Variants in BICRAL observed in about 807,000 individuals in gnomAD.
BICRAL encodes BRD4-interacting chromatin-remodeling complex-associated protein-like.
A neutral mutation model predicts 91.8 loss-of-function variants in BICRAL; 8 were observed. The ratio of observed to expected loss-of-function variants is 0.09; its 90% CI spans 0.05 to 0.16. The LOEUF is 0.16. Among genes scored for constraint, BICRAL ranks in the 10% least tolerant of loss-of-function variants. BICRAL has a pLI of 1.00. For missense variants in BICRAL, 1,038 were observed against 1,310.9 expected (o/e 0.79, Z 3.21); for synonymous variants, 445 against 491.1 (o/e 0.91, Z 1.24).
intron 1 of BICRAL, among the ~76,000 whole-genome samples, chr6:42,793,296 ATTTTTTTTTTTT>A (rs35332872): frequency 0.042 from 975 of 23,012 alleles, 37 homozygotes; most frequent in African/African-American, 0.16. Context: ...GACCCAGCTA[ATTTTTTTTTTTT>A]TTTTTTTTTT....
chr6:42,809,111 C>T lies in BICRAL; in HGVS notation c.-101-1195C>T, dbSNP rs530161890. Among the ~76,000 whole-genome samples the T allele has an allele frequency of 7.5e-4, 114 of 151,756 alleles. No homozygotes were observed. The South Asian group carries it at 0.014, about 19-fold the overall frequency. Reference sequence around the variant, plus strand: ...CCTCCCCTAGCCCCCGGCACCCCCCCCAACAGGCCCCGGTGTGTGATGTTC... The same window carrying T: ...CCTCCCCTAGCCCCCGGCACCCCCCTCAACAGGCCCCGGTGTGTGATGTTC... On this transcript the variant is annotated intron_variant, in intron 1 of 12. Coordinates refer to ENST00000314073, the MANE Select transcript of BICRAL (RefSeq NM_001393499.1).
At chr6:42,819,141 G>C (rs538960252) in intron 2 of BICRAL, among the ~76,000 whole-genome samples, 33 of 152,194 alleles carry the variant, frequency 2.2e-4, no homozygotes, top group Admixed American at 4.6e-4. Flanking sequence ...GGGATTCCAG[G>C]GTTGTTACTT....
At chr6:42,859,112 T>C (rs1765475247) in intron 10 of BICRAL, among the ~76,000 whole-genome samples, 2 of 152,012 alleles carry the variant, frequency 1.3e-5, no homozygotes, top group Non-Finnish European at 2.9e-5. Context: ...GTGAAAGGGC[T>C]GGGCATGGTT....
Position 42,853,064 on chromosome 6 carries a change from C to CAA in BICRAL, c.1946-557_1946-556dup, listed in dbSNP as rs35328845. 3.4e-3 allele frequency among the ~76,000 whole-genome samples: 332 copies of CAA among 97,666 alleles called. 4 individuals carry two copies. The highest frequency in any genetic ancestry group is 0.029 in the Admixed American group (248 of 8,624). 64.1% of individuals were successfully genotyped at this position (97,666 alleles called of 152,430 possible). On this transcript the variant is annotated intron_variant, in intron 7 of 12. Transcript: ENST00000314073. ...TGGGCGACAGAACAAGACCTTGTCT[C>CAA]AAAAAAAAAAAAAAAAAAGAAAAGG...
chr6:42,822,191 G>C (rs980815809), intron 3 of BICRAL, 128 bp downstream of exon 3: 1 of 578,202 alleles, frequency 1.7e-6, no homozygotes, highest in South Asian at 2.5e-5. Flanking sequence ...CATAGGTTTA[G>C]TAGAGAAACA....
At chr6:42,848,704 C>G (rs992628647) in intron 6 of BICRAL, among the ~76,000 whole-genome samples, 2 of 152,062 alleles carry the variant, frequency 1.3e-5, no homozygotes, top group Non-Finnish European at 2.9e-5. Flanking sequence ...ACTAGCCAGG[C>G]TTGGTGGCAC....
chr6:42,860,288 A>T lies in BICRAL; in HGVS notation c.2281A>T (p.Thr761Ser). ...GGACAATGAATTTGAGACAGTTGCC[A>T]CTCAGCTCCTAAAAAGGACCCAAGC... ...KVDNEFETVA[T>S]QLLKRTQAML... Residue 761 changes from threonine to serine, a missense_variant, in exon 11 of 13, where the codon ACT becomes TCT. Thr to Ser is a moderately conservative substitution (Grantham distance 58, BLOSUM62 1). Around this residue, in one of 5 missense-constraint regions of BICRAL, gnomAD observed 294 missense variants for 292.6 expected, o/e 1.00. Coordinates refer to ENST00000314073, the MANE Select transcript of BICRAL (RefSeq NM_001393499.1). 1 of 1,607,484 alleles carries T rather than the reference A, an allele frequency of 6.2e-7. No individual in the cohort carries two copies. Among genetic ancestry groups the T allele is most frequent in the Non-Finnish European group, 8.5e-7 (1 of 1,174,204 alleles).
At chr6:42,804,407 C>T (rs1292386716) in intron 1 of BICRAL, among the ~76,000 whole-genome samples, 1 of 152,136 alleles carries the variant, frequency 6.6e-6, no homozygotes, top group African/African-American at 2.4e-5. Flanking sequence ...GCTGTATTGT[C>T]ATACATGGTG....
intron 6 of BICRAL, among the ~76,000 whole-genome samples, chr6:42,835,549 TAAA>T (rs75875509): frequency 4.1e-5 from 6 of 145,116 alleles, no homozygotes; most frequent in African/African-American, 1.5e-4. Context: ...TAAACCATTG[TAAA>T]AAAAAAAAAA....
intron 1 of BICRAL, among the ~76,000 whole-genome samples, chr6:42,748,323 C>T (rs769719292): frequency 1.6e-4 from 25 of 152,196 alleles, no homozygotes; most frequent in South Asian, 4.1e-4. Context: ...TCAGGTTGAA[C>T]CTGTCTCACT....
At chr6:42,851,543 C>T (rs978070229) in intron 6 of BICRAL, among the ~76,000 whole-genome samples, 1 of 152,136 alleles carries the variant, frequency 6.6e-6, no homozygotes, top group Admixed American at 6.5e-5. Flanking sequence ...AATTGATTTT[C>T]ATTTCTCAAT....
intron 2 of BICRAL, among the ~76,000 whole-genome samples, chr6:42,814,383 ATAAAT>A (rs1763917868): frequency 1.4e-5 from 2 of 145,924 alleles, no homozygotes; most frequent in African/African-American, 5.0e-5. Flanking sequence ...ATGTATATAT[ATAAAT>A]TATATATATA....
chr6:42,842,659 A>G (rs570585154), intron 6 of BICRAL, among the ~76,000 whole-genome samples: 1 of 152,292 alleles, frequency 6.6e-6, no homozygotes, highest in African/African-American at 2.4e-5. Context: ...AAGGTTTTTC[A>G]GTCCCTTCAC....
chr6:42,854,695 T>C (rs1765291904), intron 8 of BICRAL, among the ~76,000 whole-genome samples: 1 of 151,398 alleles, frequency 6.6e-6, no homozygotes, highest in Non-Finnish European at 1.5e-5. Flanking sequence ...TATTTTTATA[T>C]TTTTTTTAAG....
At chr6:42,794,533 G>T (rs897519787) in intron 1 of BICRAL, among the ~76,000 whole-genome samples, 1 of 151,710 alleles carries the variant, frequency 6.6e-6, no homozygotes, top group African/African-American at 2.4e-5. Flanking sequence ...TGAGACTACA[G>T]GTGTACTCCA....
chr6:42,856,124 T>C (rs565986410), intron 9 of BICRAL, among the ~76,000 whole-genome samples: 2 of 151,908 alleles, frequency 1.3e-5, no homozygotes, highest in South Asian at 2.1e-4. Context: ...GCCCAGGAGT[T>C]TGAGACCAGC....
intron 6 of BICRAL, among the ~76,000 whole-genome samples, chr6:42,847,690 C>T (rs963458711): frequency 1.3e-5 from 2 of 151,924 alleles, no homozygotes; most frequent in East Asian, 1.9e-4. Flanking sequence ...TTTGGGAGGC[C>T]GAGGCAGGTG....
In BICRAL at chr6:42,843,827, G is replaced by A. The variant is rs189669394; in HGVS notation, c.1840-8265G>A. Among the ~76,000 whole-genome samples the A allele has an allele frequency of 2.3e-3, 326 of 141,992 alleles. 3 individuals are homozygous for A. Among genetic ancestry groups the A allele is most frequent in the Middle Eastern group, 8.4e-3 (2 of 238 alleles). The allele number at this position is 141,992 out of a possible 152,430, so 93.2% of individuals were successfully genotyped here. On this transcript the variant is annotated intron_variant, in intron 6 of 12. Transcript: ENST00000314073. ...TTTTTTTTTTTTTTTTTGAGACGGA[G>A]TCTCACTCTGTCACCCAGGCGAGTG...
chr6:42,856,065 T>C, intron 9 of BICRAL, 148 bp downstream of exon 9: 1 of 703,672 alleles, frequency 1.4e-6, no homozygotes. Context: ...GGTGACTCAC[T>C]CCTGTAATCT....
Sources: gnomAD v4.1 joint callset for allele counts (sites outside exome capture counted in the v4.1 genomes callset) on GRCh38, gnomAD v4.1.1 for gene constraint, gnomAD v4.1.1 regional missense constraint, MANE v1.5 for transcripts, NCBI Gene and HGNC (gene_info 2026-07-23, HGNC 2026-07-21) for gene names.